The following FMN2 variants were observed in gnomAD, a reference collection of about 807,000 sequenced individuals.
FMN2 encodes the protein formin 2, also known as formin-2.
A neutral mutation model predicts 142.3 loss-of-function variants in FMN2; 51 were observed. The observed-to-expected ratio is 0.36, with a 90% CI of 0.29 to 0.45. The LOEUF is 0.45. Ranked by LOEUF, FMN2 falls within the 20% of genes least tolerant of loss-of-function variation. FMN2 has a pLI of 1.00. For missense variants in FMN2, 1,936 were observed against 2,122.8 expected, an observed-to-expected ratio of 0.91 and a Z score of 1.73; for synonymous variants, 882 against 869.8, an observed-to-expected ratio of 1.01 and a Z score of -0.25.
intron 2 of FMN2, among the ~76,000 whole-genome samples, chr1:240,173,315 C>T (rs1351527183): frequency 6.6e-6 from 1 of 152,148 alleles, no homozygotes; most frequent in African/African-American, 2.4e-5. Flanking sequence ...CCCTTCTCAT[C>T]CTGAAGTCGT....
At chr1:240,330,490 C>G (rs564086448) in intron 10 of FMN2, 113 bp from the exon 11 acceptor site, 1 of 1,068,202 alleles carries the variant, frequency 9.4e-7, no homozygotes, top group Non-Finnish European at 1.3e-6. Context: ...TGATAAAGTT[C>G]GGTTGTGACC....
chr1:240,458,897 A>G (rs963303874), intron 16 of FMN2: 1 of 152,186 alleles, frequency 6.6e-6, no homozygotes, highest in Non-Finnish European at 1.5e-5. Context: ...GAATATGGTC[A>G]TTCTTATAGG....
At chr1:240,290,301 TTAA>T (rs1669735544) in intron 7 of FMN2, among the ~76,000 whole-genome samples, 1 of 152,190 alleles carries the variant, frequency 6.6e-6, no homozygotes, top group South Asian at 2.1e-4. Context: ...ACAGCATGCT[TTAA>T]CAACAATGAC....
intron 3 of FMN2, among the ~76,000 whole-genome samples, chr1:240,185,584 G>A (rs1298534280): frequency 6.6e-6 from 1 of 152,244 alleles, no homozygotes; most frequent in East Asian, 1.9e-4. Context: ...GGTTTTCTAA[G>A]TACGTTTTTC....
chr1:240,293,685 T>C (rs1288417703), intron 7 of FMN2, among the ~76,000 whole-genome samples: 2 of 152,160 alleles, frequency 1.3e-5, no homozygotes, highest in East Asian at 3.9e-4. Flanking sequence ...TAGATATGTA[T>C]TTCACACCTA....
At chr1:240,350,612 G>A (rs892742929) in intron 13 of FMN2, among the ~76,000 whole-genome samples, 3 of 152,174 alleles carry the variant, frequency 2.0e-5, no homozygotes, top group African/African-American at 7.2e-5. Flanking sequence ...TCCAGTTGAG[G>A]CTGAGATAAT....
chr1:240,455,271 C>T (rs1164792240), intron 16 of FMN2, among the ~76,000 whole-genome samples: 1 of 79,272 alleles, frequency 1.3e-5, no homozygotes, highest in Non-Finnish European at 3.0e-5. Context: ...TGTGGTGGCT[C>T]ACCGGGGCAG....
intron 16 of FMN2, among the ~76,000 whole-genome samples, chr1:240,441,057 C>T (rs941813661): frequency 1.3e-5 from 2 of 148,444 alleles, no homozygotes; most frequent in African/African-American, 2.5e-5. Context: ...TGCGGTGGCG[C>T]GATCTTGGCT....
chr1:240,284,301 T>C (rs1669510468), intron 7 of FMN2, among the ~76,000 whole-genome samples: 1 of 152,168 alleles, frequency 6.6e-6, no homozygotes, highest in African/African-American at 2.4e-5. Context: ...TCTAACTAGA[T>C]GCCCATATCA....
At chr1:240,248,449 AT>A (rs1668158792) in intron 6 of FMN2, among the ~76,000 whole-genome samples, 1 of 148,336 alleles carries the variant, frequency 6.7e-6, no homozygotes, top group African/African-American at 2.4e-5. Flanking sequence ...ATATATATAT[AT>A]ATATATATAA....
chr1:240,226,561 G>C (rs927598702), intron 6 of FMN2, among the ~76,000 whole-genome samples: 5 of 152,046 alleles, frequency 3.3e-5, no homozygotes, highest in Non-Finnish European at 7.4e-5. Context: ...AAAATGATAT[G>C]GTAATTTGAG....
intron 15 of FMN2, among the ~76,000 whole-genome samples, chr1:240,436,690 A>AAAAAC (rs56058196): frequency 6.7e-6 from 1 of 150,098 alleles, no homozygotes; most frequent in African/African-American, 2.5e-5. Flanking sequence ...AAAAAAAAAA[A>AAAAAC]CTCAATATTT....
intron 7 of FMN2, among the ~76,000 whole-genome samples, chr1:240,274,275 G>A (rs1258695399): frequency 6.6e-6 from 1 of 151,954 alleles, no homozygotes; most frequent in Non-Finnish European, 1.5e-5. Flanking sequence ...GAGAGGAGAG[G>A]GAGGAGTCAG....
chr1:240,210,979 C>T, intron 5 of FMN2, 112 bp from the exon 6 acceptor site: 3 of 885,522 alleles, frequency 3.4e-6, no homozygotes, highest in South Asian at 2.2e-5. Context: ...CTTCTTTTTC[C>T]CTCCTTCCCT....
At chr1:240,167,857 G>C (rs1368256874) in intron 2 of FMN2, among the ~76,000 whole-genome samples, 1 of 151,918 alleles carries the variant, frequency 6.6e-6, no homozygotes, top group Admixed American at 6.6e-5. Context: ...CGAGTGGATC[G>C]CTTGAGGTCA....
At chr1:240,268,551 G>T (rs1028643259) in intron 7 of FMN2, among the ~76,000 whole-genome samples, 1 of 152,040 alleles carries the variant, frequency 6.6e-6, no homozygotes, top group African/African-American at 2.4e-5. Flanking sequence ...TGTGAAGGTA[G>T]TGGGGGAAGA....
chr1:240,342,157 A>G (rs182052290), intron 13 of FMN2, among the ~76,000 whole-genome samples: 3 of 152,254 alleles, frequency 2.0e-5, no homozygotes, highest in African/African-American at 7.2e-5. Flanking sequence ...CCAAGGAGAT[A>G]TTTACATTTT....
chr1:240,455,513 CT>C (rs1676210008), intron 16 of FMN2, among the ~76,000 whole-genome samples: 1 of 152,138 alleles, frequency 6.6e-6, no homozygotes. Flanking sequence ...ATCACAGGTG[CT>C]ACTAAAATTA....
At chr1:240,197,282 C>T (rs1665950868) in intron 4 of FMN2, among the ~76,000 whole-genome samples, 1 of 152,154 alleles carries the variant, frequency 6.6e-6, no homozygotes, top group South Asian at 2.1e-4. Flanking sequence ...GAGGGTGGTG[C>T]TCCCCTTTTC....
Sources: allele counts gnomAD v4.1 joint callset (sites outside exome capture counted in the v4.1 genomes callset), GRCh38; gene constraint gnomAD v4.1.1; transcripts MANE v1.5; gene names NCBI Gene and HGNC (gene_info 2026-07-23, HGNC 2026-07-21).